The following KIFC1 variants were observed in gnomAD, a reference collection of about 807,000 sequenced individuals.
KIFC1 encodes kinesin-like protein KIFC1.
KIFC1 carries 37 observed loss-of-function variants against 66.6 expected under a neutral mutation model. The observed-to-expected ratio is 0.56, with a 90% CI of 0.43 to 0.73. KIFC1 has a LOEUF of 0.73. Among genes scored for constraint, KIFC1 ranks in the 30% least tolerant of loss-of-function variants. The pLI is 0.00. For missense variants in KIFC1, 721 were observed against 859.8 expected (o/e 0.84, Z 2.02); for synonymous variants, 325 against 343.5 (o/e 0.95, Z 0.60).
chr6:33,399,977 A>T (rs1011268504), intron 3 of KIFC1: 6 of 584,648 alleles, frequency 1.0e-5, no homozygotes, highest in African/African-American at 1.9e-5. Flanking sequence ...GCCAAGGCTG[A>T]TGTAACATTT....
At chr6:33,397,956 G>A in intron 1 of KIFC1, 73 bp from the exon 2 acceptor site, 1 of 1,536,656 alleles carries the variant, frequency 6.5e-7, no homozygotes, top group Non-Finnish European at 8.9e-7. Context: ...AATTGAGGCT[G>A]GGGGCCAAGA....
At chr6:33,398,205 G>C in intron 2 of KIFC1, 39 bp downstream of exon 2, 2 of 1,602,120 alleles carry the variant, frequency 1.2e-6, no homozygotes, top group Non-Finnish European at 1.7e-6. Context: ...TGTGTGGGGG[G>C]TGTGTGTGTG....
rs1372245192 is a variant in KIFC1, at chr6:33,405,167, G to A, written c.1072G>A (p.Gly358Arg). 4 of 1,614,074 alleles carry A rather than the reference G, an allele frequency of 2.5e-6. No individual in the cohort carries two copies. The highest frequency in any genetic ancestry group is 2.2e-5 in the South Asian group (2 of 91,088). ...CCTCTCCCGGTCTGACGAGCGGCGTGGGACCCTGAGTGGGGCACCAGCTCC... is the reference window on the plus strand; with the variant it reads ...CCTCTCCCGGTCTGACGAGCGGCGTAGGACCCTGAGTGGGGCACCAGCTCC... ...LSLSRSDERR[G>R]TLSGAPAPPT... is the part of the protein sequence containing the mutation. Residue 358 changes from glycine to arginine, a missense_variant, in exon 7 of 11, where the codon GGG (glycine) becomes AGG (arginine). Physicochemically the swap from Gly to Arg is moderately radical, Grantham distance 125. Transcript: ENST00000428849. The surrounding 1 kb of genome is among the most constrained non-coding windows in gnomAD (Gnocchi z 5.4).
In KIFC1 at chr6:33,406,400, G is replaced by T. The variant is rs144841261; in HGVS notation, c.1741G>T (p.Gly581Trp). The change falls in exon 8 of 11, where the codon GGG (glycine) becomes TGG (tryptophan). Residue 581 changes from glycine to tryptophan, a missense_variant. Gly to Trp is a radical substitution (Grantham distance 184, BLOSUM62 -2). Transcript: ENST00000428849. The surrounding 1 kb of genome is among the most constrained non-coding windows in gnomAD (Gnocchi z 4.5). ...TGACCCCGGCTTAGCCCTCGGCCCC[G>T]GGGAGCGGGAACGCCTTCGGGAAAC... is the stretch of plus-strand genomic sequence containing the variant. ...RLDPGLALGP[G>W]ERERLRETQA... 3.1e-6 allele frequency: 5 copies of T among 1,610,670 alleles called. No homozygotes were observed. Among genetic ancestry groups the T allele is most frequent in the Non-Finnish European group, 8.5e-7 (1 of 1,177,502 alleles).
At chr6:33,408,862 G>A (rs1197797597) in intron 10 of KIFC1, among the ~76,000 whole-genome samples, 1 of 144,536 alleles carries the variant, frequency 6.9e-6, no homozygotes, top group East Asian at 2.4e-4. Flanking sequence ...TGCTCAAATT[G>A]CCCCATCTTT....
chr6:33,403,798 A>G lies in KIFC1; in HGVS notation c.425A>G (p.Gln142Arg). 2 of 1,614,230 alleles carry G rather than the reference A, an allele frequency of 1.2e-6. No individual in the cohort carries two copies. Among genetic ancestry groups the G allele is most frequent in the Non-Finnish European group, 1.7e-6 (2 of 1,180,024 alleles). The change falls in exon 6 of 11, where the codon CAG (glutamine) becomes CGG (arginine). Residue 142 changes from glutamine (Q) to arginine (R), a missense_variant. Gln to Arg is a conservative substitution (Grantham distance 43). Coordinates refer to ENST00000428849, the MANE Select transcript of KIFC1 (RefSeq NM_002263.4). The surrounding 1 kb of genome is among the most constrained non-coding windows in gnomAD (Gnocchi z 4.6). Reference protein sequence around the residue: ...SKRPAWDLKGQLCDLNAELKR... With the variant: ...SKRPAWDLKGRLCDLNAELKR... ...CGTCCAGCCTGGGACTTAAAGGGTC[A>G]GTTATGTGACCTAAATGCAGAACTA... is the stretch of plus-strand genomic sequence containing the variant.
At chr6:33,402,712 A>G (rs1775438516) in intron 3 of KIFC1, among the ~76,000 whole-genome samples, 1 of 151,140 alleles carries the variant, frequency 6.6e-6, no homozygotes, top group South Asian at 2.1e-4. Flanking sequence ...CCTGGGTGAG[A>G]AGAGTGCAAC....
chr6:33,400,265 T>C lies in KIFC1; in HGVS notation c.250+1878T>C, dbSNP rs1206637488. 3 of 1,567,492 alleles carry C rather than the reference T, an allele frequency of 1.9e-6. No homozygotes were observed. In the Admixed American group the frequency reaches 5.0e-5, roughly 26 times the overall value. ...AAAGTGATATTCCCATTGTGTTTAATGTTTTTCTGTTTCTTTCTGTCTCTT... is the reference window on the plus strand; with the variant it reads ...AAAGTGATATTCCCATTGTGTTTAACGTTTTTCTGTTTCTTTCTGTCTCTT... On this transcript the variant is annotated intron_variant, in intron 3 of 10. Coordinates refer to ENST00000428849, the MANE Select transcript of KIFC1 (RefSeq NM_002263.4). This position sits in a 1 kb window ranked among gnomAD's most constrained non-coding sequence, Gnocchi z 4.3.
Position 33,406,172 on chromosome 6 carries a change from T to G in KIFC1, c.1537-24T>G. Reference sequence around the variant, plus strand: ...ATGTACTGACTTCTGCCTGCCTTTTTGCCCCTTCTGCTCCCATCCCCAGGT... The same window carrying G: ...ATGTACTGACTTCTGCCTGCCTTTTGGCCCCTTCTGCTCCCATCCCCAGGT... On this transcript the variant is annotated intron_variant, in intron 7 of 10. Transcript: ENST00000428849. The surrounding 1 kb of genome is among the most constrained non-coding windows in gnomAD (Gnocchi z 4.5). 1 of 1,576,374 alleles carries G rather than the reference T, an allele frequency of 6.3e-7. No homozygotes were observed. The highest frequency in any genetic ancestry group is 2.3e-5 in the East Asian group (1 of 44,376).
Position 33,405,185 on chromosome 6 carries a change from C to G in KIFC1, c.1090C>G (p.Pro364Ala), listed in dbSNP as rs371450731. Residue 364 changes from proline (P) to alanine (A), a missense_variant, in exon 7 of 11, where the codon CCA (proline) becomes GCA (alanine). Physicochemically the swap from Pro to Ala is conservative, Grantham distance 27 (BLOSUM62 -1). Coordinates refer to ENST00000428849, the MANE Select transcript of KIFC1 (RefSeq NM_002263.4). This position sits in a 1 kb window ranked among gnomAD's most constrained non-coding sequence, Gnocchi z 5.4. Reference protein sequence around the residue: ...DERRGTLSGAPAPPTRHDFSF... With the variant: ...DERRGTLSGAAAPPTRHDFSF... ...GCGGCGTGGGACCCTGAGTGGGGCA[C>G]CAGCTCCCCCAACTCGCCATGATTT... 1 of 1,614,138 alleles carries G rather than the reference C, an allele frequency of 6.2e-7. No individual in the cohort carries two copies. The highest frequency in any genetic ancestry group is 8.5e-7 in the Non-Finnish European group (1 of 1,180,028).
intron 1 of KIFC1, among the ~76,000 whole-genome samples, chr6:33,394,890 G>C (rs1323871001): frequency 6.6e-6 from 1 of 152,196 alleles, no homozygotes. Flanking sequence ...TAAAGGCATG[G>C]GAGTGGATAG....
chr6:33,391,885 A>G lies in KIFC1; in HGVS notation c.-101A>G. ...GCGGCCGGAGCCGTGCGAGTTCTCT[A>G]CCCTGCTTCGCGAGCGGGCGAGAGA... On this transcript the variant is annotated 5_prime_UTR_variant, in exon 1 of 11. Transcript: ENST00000428849. The G allele has an allele frequency of 1.4e-6, 2 of 1,451,896 alleles. No homozygotes were observed. The highest frequency in any genetic ancestry group is 1.9e-6 in the Non-Finnish European group (2 of 1,042,498). 89.9% of individuals were successfully genotyped at this position (1,451,896 alleles called of 1,614,324 possible).
Position 33,406,049 on chromosome 6 carries a change from AT to A in KIFC1, c.1537-143del. 1.4e-6 allele frequency: 1 copy of A among 740,370 alleles called. No individual in the cohort carries two copies. Among genetic ancestry groups the A allele is most frequent in the Non-Finnish European group, 2.1e-6 (1 of 465,864 alleles). The allele number at this position is 740,370 out of a possible 1,614,324, so 45.9% of individuals were successfully genotyped here. On this transcript the variant is annotated intron_variant, in intron 7 of 10. Transcript: ENST00000428849. The surrounding 1 kb of genome is among the most constrained non-coding windows in gnomAD (Gnocchi z 4.5). ...CTCCCTATTCTATGTATTCCTTACC[AT>A]TTTCAGACATACTGTGCATCTTATT... is the stretch of plus-strand genomic sequence containing the variant.
In KIFC1 at chr6:33,407,052, T is replaced by A. The variant is rs554388291; in HGVS notation, c.1977+177T>A. The A allele has an allele frequency of 2.8e-5, 39 of 1,414,936 alleles. No individual in the cohort carries two copies. The African/African-American group carries it at 5.2e-4, about 19-fold the overall frequency. The allele number at this position is 1,414,936 out of a possible 1,614,324, so 87.6% of individuals were successfully genotyped here. A position where few individuals can be genotyped will look rare whatever the true frequency, so the allele number is the denominator to read the frequency against. The stretch of plus-strand genomic sequence containing the variant: ...TTATTAGCTTTTGAGTTAAGTTTTT[T>A]AAAAAACGGGTGATTAATTTAACCT... On this transcript the variant is annotated intron_variant, in intron 10 of 10. Transcript: ENST00000428849.
rs1391477504 is a variant in KIFC1 at position 33,406,581 on chromosome 6, C to T, written c.1828-11C>T. On this transcript the variant is annotated splice_polypyrimidine_tract_variant and intron_variant, in intron 8 of 10. Coordinates refer to ENST00000428849, the MANE Select transcript of KIFC1 (RefSeq NM_002263.4). This position sits in a 1 kb window ranked among gnomAD's most constrained non-coding sequence, Gnocchi z 4.5. ...TATTCCTAAACATCTGTCCCCACCT[C>T]AATCATCTAGGAGTCCCACGTGCCT... The T allele has an allele frequency of 6.2e-7, 1 of 1,614,046 alleles. No homozygotes were observed. The highest frequency in any genetic ancestry group is 8.5e-7 in the Non-Finnish European group (1 of 1,179,946).
Position 33,405,898 on chromosome 6 carries a change from T to TG in KIFC1, c.1536+269dup, listed in dbSNP as rs928567132. 1.3e-5 allele frequency among the ~76,000 whole-genome samples: 2 copies of TG among 152,188 alleles called. No individual in the cohort carries two copies. Among genetic ancestry groups the TG allele is most frequent in the African/African-American group, 4.8e-5 (2 of 41,428 alleles). ...CTTGCTCAGCTCATCCTAGCCATGC[T>TG]GGCCTCCTGGCTGTTCCTCAACCAG... On this transcript the variant is annotated intron_variant, in intron 7 of 10. Coordinates refer to ENST00000428849, the MANE Select transcript of KIFC1 (RefSeq NM_002263.4). This position sits in a 1 kb window ranked among gnomAD's most constrained non-coding sequence, Gnocchi z 5.4.
chr6:33,407,046 GT>G, intron 10 of KIFC1, 171 bp downstream of exon 10: 1 of 1,413,740 alleles, frequency 7.1e-7, no homozygotes, highest in South Asian at 1.6e-5. Flanking sequence ...TTTGAGTTAA[GT>G]TTTTTAAAAA....
Position 33,405,629 on chromosome 6 carries a change from G to T in KIFC1, c.1534G>T (p.Glu512Ter). The change falls in exon 7 of 11, where the codon GAA becomes TAA. Residue 512 changes from glutamate (E) to a stop codon, truncating the protein, a stop_gained and splice_region_variant. Transcript: ENST00000428849. LOFTEE classifies it high-confidence loss of function. This position sits in a 1 kb window ranked among gnomAD's most constrained non-coding sequence, Gnocchi z 5.4. The stretch of plus-strand genomic sequence containing the variant: ...ATATGTCCCTGTCTCCTGTGAGAAA[G>T]AAGTGAGGACCCATGGGCACTGGAA... ...ARYVPVSCEK[E>*]VDALLHLARQ... is the part of the protein sequence containing the mutation. 1 of 1,511,004 alleles carries T rather than the reference G, an allele frequency of 6.6e-7. No individual in the cohort carries two copies. The highest frequency in any genetic ancestry group is 8.8e-7 in the Non-Finnish European group (1 of 1,134,086). 93.6% of individuals were successfully genotyped at this position (1,511,004 alleles called of 1,614,324 possible). A position where few individuals can be genotyped will look rare whatever the true frequency, so the allele number is the denominator to read the frequency against.
chr6:33,409,703 ATCTGTGTGTG>A lies in KIFC1; in HGVS notation c.*15_*24del. ...CAACAGGAAGTGAAGACGGATCCAGATCTGTGTGTGTGTGTGTGTGTGTGTGTGTGTGTGT... is the reference window on the plus strand; with the variant it reads ...CAACAGGAAGTGAAGACGGATCCAGATGTGTGTGTGTGTGTGTGTGTGTGT... On this transcript the variant is annotated 3_prime_UTR_variant, in exon 11 of 11. Coordinates refer to ENST00000428849, the MANE Select transcript of KIFC1 (RefSeq NM_002263.4). The A allele has an allele frequency of 1.5e-6, 2 of 1,332,528 alleles. No individual in the cohort carries two copies. Among genetic ancestry groups the A allele is most frequent in the Non-Finnish European group, 2.0e-6 (2 of 988,504 alleles). 82.5% of individuals were successfully genotyped at this position (1,332,528 alleles called of 1,614,324 possible). A position where few individuals can be genotyped will look rare whatever the true frequency, so the allele number is the denominator to read the frequency against.
Sources: allele counts gnomAD v4.1 joint callset (sites outside exome capture counted in the v4.1 genomes callset), GRCh38; gene constraint gnomAD v4.1.1; non-coding constraint Gnocchi (gnomAD v3.1); transcripts MANE v1.5; gene names NCBI Gene and HGNC (gene_info 2026-07-23, HGNC 2026-07-21).